The following TMIGD3 variants were observed in gnomAD, a reference collection of about 807,000 sequenced individuals.
TMIGD3 encodes transmembrane and immunoglobulin domain containing 3.
TMIGD3 carries 21 observed loss-of-function variants against 28.1 expected under a neutral mutation model. That is an observed-to-expected ratio of 0.75 (90% CI 0.53 to 1.08). The LOEUF is 1.08. Among genes scored for constraint, TMIGD3 ranks in the 50% least tolerant of loss-of-function variants. The probability of loss-of-function intolerance (pLI) is 0.00; values close to 1 mark genes in which losing one functional copy is unlikely to be tolerated. For missense variants in TMIGD3, 416 were observed against 435.6 expected (o/e 0.96, Z 0.40); for synonymous variants, 151 against 162.1 (o/e 0.93, Z 0.52).
chr1:111,538,033 G>T (rs1194218642), intron 1 of TMIGD3, among the ~76,000 whole-genome samples: 1 of 151,926 alleles, frequency 6.6e-6, no homozygotes, highest in African/African-American at 2.4e-5. Flanking sequence ...TTTGCTATTT[G>T]TTAACTCATA....
intron 1 of TMIGD3, among the ~76,000 whole-genome samples, chr1:111,538,342 C>T (rs1216072865): frequency 2.0e-5 from 3 of 152,320 alleles, no homozygotes; most frequent in African/African-American, 7.2e-5. Context: ...ACTCACTCCC[C>T]TCCATGTGTA....
At chr1:111,510,931 C>G (rs907021851) in intron 1 of TMIGD3, among the ~76,000 whole-genome samples, 5 of 152,132 alleles carry the variant, frequency 3.3e-5, no homozygotes, top group African/African-American at 1.2e-4. Flanking sequence ...AAAATGTCCC[C>G]TCATTTGAAG....
chr1:111,495,678 C>T (rs1297670275), intron 1 of TMIGD3, among the ~76,000 whole-genome samples: 2 of 152,250 alleles, frequency 1.3e-5, no homozygotes. Flanking sequence ...GGTATATACC[C>T]AAAGAAATAT....
intron 1 of TMIGD3, among the ~76,000 whole-genome samples, chr1:111,524,428 T>C (rs1656193871): frequency 6.6e-6 from 1 of 152,192 alleles, no homozygotes; most frequent in East Asian, 1.9e-4. Flanking sequence ...GAGTTGTGCC[T>C]TTTCTACCAC....
intron 1 of TMIGD3, among the ~76,000 whole-genome samples, chr1:111,553,583 A>G (rs1657361461): frequency 6.6e-6 from 1 of 152,110 alleles, no homozygotes; most frequent in Non-Finnish European, 1.5e-5. Context: ...CCTAATTTCT[A>G]CTGGTTACAT....
chr1:111,520,061 A>G (rs1013232464), intron 1 of TMIGD3, among the ~76,000 whole-genome samples: 8 of 152,186 alleles, frequency 5.3e-5, no homozygotes, highest in African/African-American at 1.7e-4. Context: ...TATACTGTAC[A>G]TTAGCAAACA....
In TMIGD3 at chr1:111,488,688, C is replaced by A. The variant is rs201598880; in HGVS notation, c.794G>T (p.Trp265Leu). 1.3e-5 allele frequency: 21 copies of A among 1,613,286 alleles called. No individual in the cohort carries two copies. In the African/African-American group the frequency reaches 2.7e-4, roughly 20 times the overall value. Reference protein sequence around the residue: ...DDKGTLANDFWSGKDLSGNKT... With the variant: ...DDKGTLANDFLSGKDLSGNKT... ...GGCAGGCTCCTTACCTTTCCCAGAC[C>A]AAAAGTCATTGGCCAGGGTTCCTTT... Residue 265 changes from tryptophan to leucine, a missense_variant, in exon 3 of 6, where the codon TGG becomes TTG. Physicochemically the swap from Trp to Leu is moderately conservative, Grantham distance 61 (BLOSUM62 -2). Transcript: ENST00000369716.
intron 1 of TMIGD3, among the ~76,000 whole-genome samples, chr1:111,522,923 T>C (rs1380063422): frequency 6.6e-6 from 1 of 152,184 alleles, no homozygotes; most frequent in Non-Finnish European, 1.5e-5. Context: ...GGCAATCATT[T>C]CACCTGCAAA....
At chr1:111,493,116 G>A (rs544440133) in intron 1 of TMIGD3, among the ~76,000 whole-genome samples, 1 of 152,274 alleles carries the variant, frequency 6.6e-6, no homozygotes, top group Admixed American at 6.5e-5. Context: ...AATAAGATTG[G>A]CCATAATTTG....
At chr1:111,495,665 C>T (rs1274730486) in intron 1 of TMIGD3, among the ~76,000 whole-genome samples, 1 of 152,240 alleles carries the variant, frequency 6.6e-6, no homozygotes, top group African/African-American at 2.4e-5. Flanking sequence ...AATCCCATTA[C>T]TGGGTATATA....
chr1:111,499,072 C>T (rs1173717745), intron 1 of TMIGD3, among the ~76,000 whole-genome samples: 1 of 128,146 alleles, frequency 7.8e-6, no homozygotes, highest in Non-Finnish European at 1.6e-5. Context: ...GCCTAGGTGA[C>T]AGAACGAGAC....
At chr1:111,556,258 ACACT>A (rs1269087369) in intron 1 of TMIGD3, among the ~76,000 whole-genome samples, 1 of 152,218 alleles carries the variant, frequency 6.6e-6, no homozygotes, top group Admixed American at 6.5e-5. Context: ...TACCAAAAAA[ACACT>A]CACACAGATA....
intron 1 of TMIGD3, among the ~76,000 whole-genome samples, chr1:111,513,126 CA>C (rs997553509): frequency 2.0e-5 from 3 of 152,224 alleles, no homozygotes; most frequent in Admixed American, 1.3e-4. Flanking sequence ...CAGGCCACCT[CA>C]GTTGCTGCAG....
intron 1 of TMIGD3, among the ~76,000 whole-genome samples, chr1:111,494,216 GCAGT>G (rs1654790341): frequency 6.6e-6 from 1 of 152,172 alleles, no homozygotes; most frequent in Non-Finnish European, 1.5e-5. Context: ...AGGACTCAAA[GCAGT>G]CAGGCAAGAG....
chr1:111,533,696 G>A (rs1046031222), intron 1 of TMIGD3, among the ~76,000 whole-genome samples: 1 of 152,112 alleles, frequency 6.6e-6, no homozygotes, highest in African/African-American at 2.4e-5. Context: ...TGGGATTACA[G>A]GAGCGTGCCA....
At chr1:111,510,830 T>G (rs1026568776) in intron 1 of TMIGD3, among the ~76,000 whole-genome samples, 1 of 152,146 alleles carries the variant, frequency 6.6e-6, no homozygotes, top group African/African-American at 2.4e-5. Flanking sequence ...CCCCCATGAT[T>G]TGGGGGTGAG....
At chr1:111,541,372 T>TAAGG (rs1656816390) in intron 1 of TMIGD3, among the ~76,000 whole-genome samples, 1 of 152,212 alleles carries the variant, frequency 6.6e-6, no homozygotes, top group Non-Finnish European at 1.5e-5. Flanking sequence ...AAGGTCTATA[T>TAAGG]AAGGAAGCTA....
At chr1:111,529,104 AT>A (rs538117190) in intron 1 of TMIGD3, among the ~76,000 whole-genome samples, 6 of 150,802 alleles carry the variant, frequency 4.0e-5, no homozygotes, top group South Asian at 2.1e-4. Context: ...TTTATTTTTT[AT>A]TTTTTTTATT....
intron 1 of TMIGD3, among the ~76,000 whole-genome samples, chr1:111,510,331 G>A (rs1392968966): frequency 6.6e-6 from 1 of 151,706 alleles, no homozygotes; most frequent in Non-Finnish European, 1.5e-5. Flanking sequence ...TTGTATGAAA[G>A]GTTAATATAA....
Sources: allele counts gnomAD v4.1 joint callset (sites outside exome capture counted in the v4.1 genomes callset), GRCh38; gene constraint gnomAD v4.1.1; transcripts MANE v1.5; gene names NCBI Gene and HGNC (gene_info 2026-07-23, HGNC 2026-07-21).